The following TSPAN9 variants were observed in gnomAD, a reference collection of about 807,000 sequenced individuals.
TSPAN9 encodes tetraspanin 9.
In TSPAN9, 16 loss-of-function variants were observed where a neutral mutation model predicts 31.0. The ratio of observed to expected loss-of-function variants is 0.52; its 90% CI spans 0.35 to 0.78. TSPAN9 has a LOEUF of 0.78. Ranked by LOEUF, TSPAN9 falls within the 30% of genes least tolerant of loss-of-function variation. The probability of loss-of-function intolerance (pLI) is 0.01; values close to 1 mark genes in which losing one functional copy is unlikely to be tolerated. For synonymous variants in TSPAN9, 145 were observed against 121.6 expected, an observed-to-expected ratio of 1.19 and a Z score of -1.27; for missense variants, 272 against 312.5, an observed-to-expected ratio of 0.87 and a Z score of 0.98.
chr12:3,275,831 C>T (rs148434876), intron 3 of TSPAN9, among the ~76,000 whole-genome samples: 14 of 152,302 alleles, frequency 9.2e-5, no homozygotes, highest in East Asian at 5.8e-4. Context: ...TCATTCGGAC[C>T]CCCCTGCAGC....
At chr12:3,091,889 A>C (rs889713259) in intron 2 of TSPAN9, among the ~76,000 whole-genome samples, 8 of 152,278 alleles carry the variant, frequency 5.3e-5, no homozygotes, top group African/African-American at 1.9e-4. Flanking sequence ...ATGGCCTAGC[A>C]CTGCAGCACC....
At chr12:3,150,343 T>C (rs984227448) in intron 2 of TSPAN9, among the ~76,000 whole-genome samples, 3 of 152,064 alleles carry the variant, frequency 2.0e-5, no homozygotes, top group Admixed American at 6.6e-5. Context: ...TGAGTTAGTA[T>C]TTTGTTGATG....
At chr12:3,125,473 G>A (rs560249523) in intron 2 of TSPAN9, among the ~76,000 whole-genome samples, 2 of 152,174 alleles carry the variant, frequency 1.3e-5, no homozygotes, top group East Asian at 1.9e-4. Flanking sequence ...CCCTTAATTG[G>A]ATGTAAATTT....
At chr12:3,195,225 G>A (rs1304251851) in intron 2 of TSPAN9, among the ~76,000 whole-genome samples, 1 of 152,196 alleles carries the variant, frequency 6.6e-6, no homozygotes, top group East Asian at 1.9e-4. Flanking sequence ...CTGATTGTGT[G>A]TGGGTGAGGG....
chr12:3,130,383 C>T (rs575322465), intron 2 of TSPAN9, among the ~76,000 whole-genome samples: 1 of 152,342 alleles, frequency 6.6e-6, no homozygotes, highest in Admixed American at 6.5e-5. Context: ...GCGTCAGCTA[C>T]TAGCTTTCCG....
At chr12:3,146,076 C>T (rs1324418258) in intron 2 of TSPAN9, among the ~76,000 whole-genome samples, 4 of 152,230 alleles carry the variant, frequency 2.6e-5, no homozygotes, top group Non-Finnish European at 4.4e-5. Flanking sequence ...TGAGCTCCCC[C>T]GGCAAGCCCA....
intron 3 of TSPAN9, among the ~76,000 whole-genome samples, chr12:3,241,732 G>A (rs2098396669): frequency 6.6e-6 from 1 of 152,190 alleles, no homozygotes; most frequent in Non-Finnish European, 1.5e-5. Context: ...TGGAGGTCCC[G>A]GCCTTGCCAG....
At chr12:3,231,831 G>A (rs950110091) in intron 3 of TSPAN9, among the ~76,000 whole-genome samples, 4 of 152,212 alleles carry the variant, frequency 2.6e-5, no homozygotes, top group Admixed American at 1.3e-4. Flanking sequence ...ACCCGCTGTC[G>A]CGTGCATGCC....
At chr12:3,210,877 C>T (rs1414675402) in intron 3 of TSPAN9, among the ~76,000 whole-genome samples, 1 of 151,962 alleles carries the variant, frequency 6.6e-6, no homozygotes, top group African/African-American at 2.4e-5. Flanking sequence ...TCCTGAGTAG[C>T]TCAAACTATA....
At chr12:3,253,918 T>G (rs1462227165) in intron 3 of TSPAN9, among the ~76,000 whole-genome samples, 2 of 152,138 alleles carry the variant, frequency 1.3e-5, no homozygotes. Flanking sequence ...CCCTGCAGAC[T>G]CTCGTGCAAC....
intron 3 of TSPAN9, among the ~76,000 whole-genome samples, chr12:3,237,135 G>C (rs2098394197): frequency 1.3e-5 from 2 of 152,140 alleles, no homozygotes; most frequent in Non-Finnish European, 2.9e-5. Flanking sequence ...GAGAGGAGGG[G>C]CTGTGAGATA....
intron 2 of TSPAN9, among the ~76,000 whole-genome samples, chr12:3,117,515 C>T (rs190092202): frequency 2.6e-5 from 4 of 152,122 alleles, no homozygotes; most frequent in East Asian, 1.9e-4. Flanking sequence ...TGCTGCTGCC[C>T]GTGGGGTAAA....
intron 2 of TSPAN9, among the ~76,000 whole-genome samples, chr12:3,198,351 TACCAGCACAGGCCACC>T (rs1195277663): frequency 0.022 from 248 of 11,208 alleles, 4 homozygotes; most frequent in African/African-American, 0.064. Context: ...CAGCTCACCG[TACCAGCACAGGCCACC>T]ACCAGCACAG....
intron 2 of TSPAN9, among the ~76,000 whole-genome samples, chr12:3,157,513 T>A (rs1175983089): frequency 1.3e-5 from 2 of 152,242 alleles, no homozygotes; most frequent in Admixed American, 6.5e-5. Flanking sequence ...AGTTTCTCCA[T>A]CTGTAAAATG....
rs1441814612 is a variant in TSPAN9, at chr12:3,143,599, T to C, written c.-17-57578T>C. Among the ~76,000 whole-genome samples the C allele has an allele frequency of 6.6e-6, 1 of 152,158 alleles. No homozygotes were observed. The highest frequency in any genetic ancestry group is 1.5e-5 in the Non-Finnish European group (1 of 68,044). Reference sequence around the variant, plus strand: ...TTCACAGATAAAAAGTATAAATGTATGGATATAGGATATATAATAAATATC... The same window carrying C: ...TTCACAGATAAAAAGTATAAATGTACGGATATAGGATATATAATAAATATC... On this transcript the variant is annotated intron_variant, in intron 2 of 8. Transcript: ENST00000011898. This position sits in a 1 kb window ranked among gnomAD's most constrained non-coding sequence, Gnocchi z 4.2.
chr12:3,223,965 A>G (rs1203769432), intron 3 of TSPAN9, among the ~76,000 whole-genome samples: 2 of 152,100 alleles, frequency 1.3e-5, no homozygotes, highest in Non-Finnish European at 2.9e-5. Context: ...GGGCATCTGG[A>G]CACGGGAAAG....
chr12:3,157,106 T>TC (rs983845213), intron 2 of TSPAN9, among the ~76,000 whole-genome samples: 2 of 151,742 alleles, frequency 1.3e-5, no homozygotes, highest in African/African-American at 4.8e-5. Flanking sequence ...TGTGGTGTTT[T>TC]TTTTTTTTTT....
chr12:3,273,708 C>T (rs1323863648), intron 3 of TSPAN9, among the ~76,000 whole-genome samples: 1 of 152,220 alleles, frequency 6.6e-6, no homozygotes, highest in African/African-American at 2.4e-5. Flanking sequence ...GCACCTCCCT[C>T]TCCTGCTCCT....
intron 2 of TSPAN9, among the ~76,000 whole-genome samples, chr12:3,138,379 C>G (rs961563564): frequency 6.6e-6 from 1 of 152,062 alleles, no homozygotes; most frequent in African/African-American, 2.4e-5. Context: ...GGGGGCTAGT[C>G]CAGGGTGAAT....
Sources: gnomAD v4.1 joint callset for allele counts (sites outside exome capture counted in the v4.1 genomes callset) on GRCh38, gnomAD v4.1.1 for gene constraint, Gnocchi (gnomAD v3.1) non-coding constraint, MANE v1.5 for transcripts, NCBI Gene and HGNC (gene_info 2026-07-23, HGNC 2026-07-21) for gene names.